The following CRB1 variants were observed in gnomAD, a reference collection of about 807,000 sequenced individuals.
CRB1 encodes crumbs cell polarity complex component 1, also known as protein crumbs homolog 1.
CRB1 carries 83 observed loss-of-function variants against 120.0 expected under a neutral mutation model. The ratio of observed to expected loss-of-function variants is 0.69; its 90% CI spans 0.58 to 0.83. The LOEUF (loss-of-function observed/expected upper bound fraction) is 0.83. Ranked by LOEUF, CRB1 falls within the 40% of genes least tolerant of loss-of-function variation. CRB1 has a pLI of 0.00. For missense variants in CRB1, 1,699 were observed against 1,687.6 expected, an observed-to-expected ratio of 1.01 and a Z score of -0.12; for synonymous variants, 625 against 612.5, an observed-to-expected ratio of 1.02 and a Z score of -0.30.
chr1:197,321,719 T>G (rs932109374), intron 1 of CRB1, among the ~76,000 whole-genome samples: 1 of 152,190 alleles, frequency 6.6e-6, no homozygotes, highest in African/African-American at 2.4e-5. Context: ...AAGAACACTT[T>G]AGGTTGCATA....
intron 1 of CRB1, among the ~76,000 whole-genome samples, chr1:197,297,154 A>C (rs1368228208): frequency 6.6e-6 from 1 of 151,786 alleles, no homozygotes; most frequent in Non-Finnish European, 1.5e-5. Flanking sequence ...GGCATGGGTC[A>C]TCTGAAACGC....
the CRB1 span, among the ~76,000 whole-genome samples, chr1:197,237,892 A>G: frequency 6.6e-6 from 1 of 151,550 alleles, no homozygotes; most frequent in African/African-American, 2.4e-5. Flanking sequence ...ATAGCTTTGT[A>G]TTTTCTTTTT....
chr1:197,381,574 G>A (rs10922212), intron 5 of CRB1, among the ~76,000 whole-genome samples: 38,514 of 151,990 alleles, frequency 0.25, 5,331 homozygotes, highest in Middle Eastern at 0.39. Flanking sequence ...AATTACTTTT[G>A]TTCTTTGTAG....
chr1:197,306,623 G>T (rs748606048), intron 1 of CRB1, among the ~76,000 whole-genome samples: 9 of 152,148 alleles, frequency 5.9e-5, no homozygotes, highest in Non-Finnish European at 8.8e-5. Context: ...ATAATTTTGT[G>T]CTGAGAGCAA....
chr1:197,333,004 C>T (rs1658952701), intron 2 of CRB1, among the ~76,000 whole-genome samples: 1 of 152,178 alleles, frequency 6.6e-6, no homozygotes, highest in African/African-American at 2.4e-5. Context: ...CAACTTAGAC[C>T]TCCTGATGAA....
In CRB1 at chr1:197,344,401, A is replaced by G; in HGVS notation, c.773A>G (p.His258Arg). ...CDCAPGFLGD[H>R]CELNTDECAS... ...TGTGCCCCTGGATTCCTGGGGGATCACTGTGAACTCAACACTGATGAGTGT... is the reference window on the plus strand; with the variant it reads ...TGTGCCCCTGGATTCCTGGGGGATCGCTGTGAACTCAACACTGATGAGTGT... The change falls in exon 3 of 12, where the codon CAC (histidine) becomes CGC (arginine). Residue 258 changes from histidine to arginine, a missense_variant. Transcript: ENST00000367400. 6.2e-7 allele frequency: 1 copy of G among 1,614,130 alleles called. No homozygotes were observed. The highest frequency in any genetic ancestry group is 8.5e-7 in the Non-Finnish European group (1 of 1,180,018).
At chr1:197,357,152 G>T (rs564748426) in intron 5 of CRB1, 139 bp downstream of exon 5, 6 of 812,110 alleles carry the variant, frequency 7.4e-6, no homozygotes, top group South Asian at 4.3e-5. Flanking sequence ...CCCCTTGTGG[G>T]CATGAAAAGT....
At chr1:197,395,723 C>A (rs1181508649) in intron 5 of CRB1, among the ~76,000 whole-genome samples, 1 of 152,008 alleles carries the variant, frequency 6.6e-6, no homozygotes, top group Admixed American at 6.6e-5. Context: ...TGTAATTCAC[C>A]ATGATAAAAC....
chr1:197,418,900 C>T (rs187926103), intron 5 of CRB1, among the ~76,000 whole-genome samples: 81 of 152,208 alleles, frequency 5.3e-4, no homozygotes, highest in African/African-American at 1.5e-3. Context: ...TATAAAATTA[C>T]GCAATTTACA....
the CRB1 span, among the ~76,000 whole-genome samples, chr1:197,248,297 A>C: frequency 6.6e-6 from 1 of 152,000 alleles, no homozygotes. Context: ...ATAAAACGAA[A>C]TATAATTTAG....
chr1:197,340,484 T>A (rs1349009203), intron 2 of CRB1, among the ~76,000 whole-genome samples: 1 of 131,260 alleles, frequency 7.6e-6, no homozygotes, highest in Non-Finnish European at 1.7e-5. Flanking sequence ...ATATTTGTAC[T>A]TTATAGTGAT....
intron 5 of CRB1, among the ~76,000 whole-genome samples, chr1:197,420,003 A>C (rs552472320): frequency 7.9e-4 from 118 of 150,226 alleles, no homozygotes; most frequent in Admixed American, 1.4e-3. Context: ...AAAAAAACAA[A>C]CAAAAAAAAC....
At chr1:197,388,493 A>G (rs943629314) in intron 5 of CRB1, among the ~76,000 whole-genome samples, 12 of 152,090 alleles carry the variant, frequency 7.9e-5, no homozygotes, top group Admixed American at 1.3e-4. Flanking sequence ...CACTGGTCCA[A>G]TGAAATAGAG....
At chr1:197,418,556 G>C (rs1466367949) in intron 5 of CRB1, among the ~76,000 whole-genome samples, 1 of 152,154 alleles carries the variant, frequency 6.6e-6, no homozygotes, top group African/African-American at 2.4e-5. Context: ...TAAAATATAA[G>C]TACAGTAGAG....
chr1:197,290,509 C>T (rs184126497), intron 1 of CRB1, among the ~76,000 whole-genome samples: 4 of 151,644 alleles, frequency 2.6e-5, no homozygotes, highest in East Asian at 2.0e-4. Flanking sequence ...CCCCCCAGCT[C>T]CTTTCCATGA....
intron 5 of CRB1, among the ~76,000 whole-genome samples, chr1:197,376,731 T>G (rs1032064403): frequency 4.6e-5 from 7 of 152,180 alleles, no homozygotes; most frequent in Admixed American, 4.6e-4. Flanking sequence ...TCTAAATCAG[T>G]TCTCCACACA....
the CRB1 span, among the ~76,000 whole-genome samples, chr1:197,246,200 T>G: frequency 6.6e-6 from 1 of 151,938 alleles, no homozygotes; most frequent in Non-Finnish European, 1.5e-5. Flanking sequence ...CTGGTGAGGG[T>G]GGCACCCCAC....
chr1:197,363,564 C>G (rs1660895899), intron 5 of CRB1, among the ~76,000 whole-genome samples: 1 of 152,108 alleles, frequency 6.6e-6, no homozygotes, highest in Non-Finnish European at 1.5e-5. Flanking sequence ...GAGAAATCTG[C>G]TATCATTGTA....
intron 11 of CRB1, among the ~76,000 whole-genome samples, chr1:197,471,579 C>T (rs559511368): frequency 1.2e-4 from 19 of 152,314 alleles, no homozygotes; most frequent in African/African-American, 4.3e-4. Context: ...CTTCACATTC[C>T]TAAGCCTTTT....
Sources: gnomAD v4.1 joint callset for allele counts (sites outside exome capture counted in the v4.1 genomes callset) on GRCh38, gnomAD v4.1.1 for gene constraint, MANE v1.5 for transcripts, NCBI Gene and HGNC (gene_info 2026-07-23, HGNC 2026-07-21) for gene names.